The following DRC3 variants were observed in gnomAD, a reference collection of about 807,000 sequenced individuals.
DRC3 encodes the protein leucine rich repeat containing 48.
A neutral mutation model predicts 57.6 loss-of-function variants in DRC3; 45 were observed. The observed-to-expected ratio is 0.78, with a 90% confidence interval of 0.62 to 1.00. The LOEUF is 1.00. Ranked by LOEUF, DRC3 falls within the 50% of genes least tolerant of loss-of-function variation. The probability of loss-of-function intolerance (pLI) is 0.00; values close to 1 mark genes in which losing one functional copy is unlikely to be tolerated. For missense variants in DRC3, 655 were observed against 675.2 expected (o/e 0.97, Z 0.33); for synonymous variants, 257 against 272.3 (o/e 0.94, Z 0.55).
At chr17:18,014,193 C>T (rs2044273846) in intron 12 of DRC3, among the ~76,000 whole-genome samples, 1 of 152,216 alleles carries the variant, frequency 6.6e-6, no homozygotes, top group South Asian at 2.1e-4. Flanking sequence ...TCCCAAAGTG[C>T]TGAGATTACA....
intron 5 of DRC3, among the ~76,000 whole-genome samples, chr17:17,990,499 G>A (rs1050669821): frequency 6.6e-6 from 1 of 152,228 alleles, no homozygotes; most frequent in Non-Finnish European, 1.5e-5. Context: ...GCCCTTGCCT[G>A]TGCTGTCTTG....
chr17:17,996,764 T>C (rs1008489047), intron 8 of DRC3, among the ~76,000 whole-genome samples: 20 of 152,336 alleles, frequency 1.3e-4, no homozygotes, highest in Admixed American at 1.0e-3. Context: ...TGTAGCCCTG[T>C]GTAGCCGTGT....
At chr17:18,014,750 GT>G (rs1426629819) in intron 12 of DRC3, among the ~76,000 whole-genome samples, 1 of 152,176 alleles carries the variant, frequency 6.6e-6, no homozygotes, top group Non-Finnish European at 1.5e-5. Context: ...TGTGGTTGTA[GT>G]TATCTCTAAA....
intron 8 of DRC3, among the ~76,000 whole-genome samples, chr17:17,996,015 G>GT (rs1315319261): frequency 1.4e-5 from 2 of 145,196 alleles, no homozygotes; most frequent in Admixed American, 1.5e-4. Flanking sequence ...GAGGTTTTTG[G>GT]TTTTTTTGTT....
intron 12 of DRC3, among the ~76,000 whole-genome samples, chr17:18,010,134 A>G (rs2044118378): frequency 6.6e-6 from 1 of 152,250 alleles, no homozygotes; most frequent in African/African-American, 2.4e-5. Context: ...GACCCAAGCC[A>G]GCAGTCTCTG....
Position 18,004,513 on chromosome 17 carries a change from C to A in DRC3, c.1131+19C>A. ...GCTGGAGGTAAGGCTGGGCCCTGGG[C>A]ACAAGTGCCAGAATCTGGCGATGCA... On this transcript the variant is annotated intron_variant, in intron 10 of 13. Coordinates refer to ENST00000399187, the MANE Select transcript of DRC3 (RefSeq NM_031294.4). The A allele has an allele frequency of 6.2e-7, 1 of 1,604,942 alleles. No homozygotes were observed. Among genetic ancestry groups the A allele is most frequent in the Non-Finnish European group, 8.5e-7 (1 of 1,176,058 alleles).
In DRC3 at chr17:17,996,895, C is replaced by A. The variant is rs1478503264; in HGVS notation, c.825-565C>A. Among the ~76,000 whole-genome samples the A allele has an allele frequency of 4.6e-5, 7 of 152,308 alleles. No homozygotes were observed. In the South Asian group the frequency reaches 1.4e-3, roughly 32 times the overall value. ...TCCGTGTCGCAGGCCCTTTTGTACCCTCAGCTGCAGATGAGGAAACTGAGG... is the reference window on the plus strand; with the variant it reads ...TCCGTGTCGCAGGCCCTTTTGTACCATCAGCTGCAGATGAGGAAACTGAGG... On this transcript the variant is annotated intron_variant, in intron 8 of 13. Transcript: ENST00000399187.
chr17:18,016,032 C>T (rs566959966), intron 12 of DRC3, 32 bp from the exon 13 acceptor site: 35 of 1,610,428 alleles, frequency 2.2e-5, no homozygotes, highest in Middle Eastern at 1.6e-4. Flanking sequence ...TAATGACACA[C>T]ACTTTCTCAT....
At chr17:17,991,036 C>T (rs919462700) in intron 5 of DRC3, among the ~76,000 whole-genome samples, 1 of 152,112 alleles carries the variant, frequency 6.6e-6, no homozygotes, top group Non-Finnish European at 1.5e-5. Flanking sequence ...TTCCCCCACT[C>T]CTAAAATATG....
intron 12 of DRC3, chr17:18,010,940 T>TG (rs1325271955): frequency 4.6e-6 from 1 of 218,056 alleles, no homozygotes; most frequent in African/African-American, 2.7e-5. Flanking sequence ...AAGGATGAGG[T>TG]TTTTTTTTTG....
At chr17:18,005,927 CA>C (rs1340244473) in intron 10 of DRC3, 3 of 486,850 alleles carry the variant, frequency 6.2e-6, no homozygotes, top group South Asian at 4.6e-5. Flanking sequence ...AAGACCAGGA[CA>C]AGTGTTCCTG....
intron 12 of DRC3, among the ~76,000 whole-genome samples, chr17:18,010,385 C>T (rs1456917976): frequency 6.6e-6 from 1 of 152,192 alleles, no homozygotes; most frequent in Non-Finnish European, 1.5e-5. Flanking sequence ...TCAAAAGTCA[C>T]TTTGTTGCTA....
rs1443880709 is a variant in DRC3, at chr17:18,016,641, C to A, written c.1542C>A (p.Asp514Glu). The change falls in exon 14 of 14, where the codon GAC becomes GAA. Residue 514 changes from aspartate to glutamate, a missense_variant. Coordinates refer to ENST00000399187, the MANE Select transcript of DRC3 (RefSeq NM_031294.4). ...QYIDHMQSEL[D>E]NLECGDILD ...TCGACCACATGCAGAGCGAACTGGACAACCTGGAATGTGGCGACATCCTAG... is the reference window on the plus strand; with the variant it reads ...TCGACCACATGCAGAGCGAACTGGAAAACCTGGAATGTGGCGACATCCTAG... 1.2e-6 allele frequency: 2 copies of A among 1,613,494 alleles called. No individual in the cohort carries two copies. Among genetic ancestry groups the A allele is most frequent in the South Asian group, 2.2e-5 (2 of 91,044 alleles).
At chr17:17,990,138 G>A (rs188969186) in intron 5 of DRC3, among the ~76,000 whole-genome samples, 112 of 152,276 alleles carry the variant, frequency 7.4e-4, no homozygotes, top group African/African-American at 1.8e-3. Flanking sequence ...CTCTCCTTCC[G>A]ACAGTGGCCC....
intron 3 of DRC3, among the ~76,000 whole-genome samples, chr17:17,978,540 C>G (rs1446863610): frequency 6.6e-6 from 1 of 152,164 alleles, no homozygotes; most frequent in Non-Finnish European, 1.5e-5. Flanking sequence ...CGTGCTCTGT[C>G]TTGGGGCCCC....
At chr17:17,975,080 A>G (rs1025298632) in intron 2 of DRC3, among the ~76,000 whole-genome samples, 1 of 152,216 alleles carries the variant, frequency 6.6e-6, no homozygotes, top group African/African-American at 2.4e-5. Context: ...ATTTCCTAGC[A>G]TAGCAATTGC....
intron 12 of DRC3, among the ~76,000 whole-genome samples, chr17:18,010,265 G>A (rs1323670040): frequency 1.3e-5 from 2 of 152,178 alleles, no homozygotes; most frequent in Non-Finnish European, 2.9e-5. Flanking sequence ...GTTGTCAGGT[G>A]CCCTTTGTGG....
chr17:17,980,694 A>G (rs2042633729), intron 3 of DRC3, among the ~76,000 whole-genome samples: 1 of 149,488 alleles, frequency 6.7e-6, no homozygotes, highest in Non-Finnish European at 1.5e-5. Context: ...TCCCGGGTTC[A>G]AGTGATTCTC....
At chr17:17,980,937 T>C (rs1437056569) in intron 3 of DRC3, among the ~76,000 whole-genome samples, 1 of 152,174 alleles carries the variant, frequency 6.6e-6, no homozygotes, top group Admixed American at 6.5e-5. Flanking sequence ...ATGAATCTCA[T>C]TTATTGAAAA....
Sources: gnomAD v4.1 joint callset for allele counts (sites outside exome capture counted in the v4.1 genomes callset) on GRCh38, gnomAD v4.1.1 for gene constraint, MANE v1.5 for transcripts, NCBI Gene and HGNC (gene_info 2026-07-23, HGNC 2026-07-21) for gene names.